The following ZNF423 variants were observed in gnomAD, a reference collection of about 807,000 sequenced individuals.
ZNF423 encodes Ebf-associated zinc finger protein.
In ZNF423, 12 loss-of-function variants were observed where a neutral mutation model predicts 95.8. That is an observed-to-expected ratio of 0.13 (90% CI 0.08 to 0.20). The LOEUF (loss-of-function observed/expected upper bound fraction) is 0.20, where lower values mean the gene tolerates loss of function less well. Among genes scored for constraint, ZNF423 ranks in the 10% least tolerant of loss-of-function variants. The pLI, the probability that ZNF423 is intolerant of heterozygous loss-of-function variation, is 1.00. For synonymous variants in ZNF423, 749 were observed against 711.9 expected (o/e 1.05, Z -0.83); for missense variants, 1,316 against 1,737.1 (o/e 0.76, Z 4.31).
At position 49,491,130 on chromosome 16, in the gene ZNF423, A is replaced by G. The variant is rs776633021; in HGVS notation, c.*145T>C. 6 of 893,932 alleles carry G rather than the reference A, an allele frequency of 6.7e-6. No individual in the cohort carries two copies. In the African/African-American group the frequency reaches 9.9e-5, roughly 15 times the overall value. The allele number at this position is 893,932 out of a possible 1,614,324, so 55.4% of individuals were successfully genotyped here. On this transcript the variant is annotated 3_prime_UTR_variant, in exon 8 of 8. Coordinates refer to ENST00000563137, the MANE Select transcript of ZNF423 (RefSeq NM_001379286.1). ...CATTAATATTCATTTCCAGCTGCTT[A>G]TAATAGCAGCGCCTCATGGCCAAAT...
At chr16:49,633,273 T>C (rs898663668) in intron 4 of ZNF423, among the ~76,000 whole-genome samples, 25 of 152,230 alleles carry the variant, frequency 1.6e-4, no homozygotes, top group Admixed American at 5.2e-4. Context: ...TGAGTGTGGA[T>C]TGCCATTGTA....
At chr16:49,809,001 G>A (rs753281706) in intron 1 of ZNF423, among the ~76,000 whole-genome samples, 4 of 152,172 alleles carry the variant, frequency 2.6e-5, no homozygotes, top group African/African-American at 2.4e-5. Context: ...GCACGTCCCC[G>A]AGCAGGGGGC....
intron 1 of ZNF423, among the ~76,000 whole-genome samples, chr16:49,839,347 C>G (rs1469097497): frequency 3.9e-5 from 6 of 152,116 alleles, no homozygotes; most frequent in Non-Finnish European, 5.9e-5. Flanking sequence ...TGGAGAGGGG[C>G]CGGCCTCTGA....
At chr16:49,857,346 G>T (rs1406304938), upstream of ZNF423, among the ~76,000 whole-genome samples, 3 of 150,618 alleles carry the variant, frequency 2.0e-5, no homozygotes, top group East Asian at 1.9e-4. The surrounding 1 kb of genome is among the most constrained non-coding windows in gnomAD (Gnocchi z 6.2). Context: ...CGCGGGCGCG[G>T]GCACCGCACC....
chr16:49,545,680 G>A (rs897901856), intron 5 of ZNF423, among the ~76,000 whole-genome samples: 23 of 152,204 alleles, frequency 1.5e-4, no homozygotes, highest in African/African-American at 4.3e-4. Context: ...CATGGGGAGT[G>A]GGCAGAATGT....
chr16:49,630,349 G>A (rs1420646212), intron 4 of ZNF423, among the ~76,000 whole-genome samples: 1 of 152,164 alleles, frequency 6.6e-6, no homozygotes, highest in Admixed American at 6.5e-5. Flanking sequence ...TGTCTCACAT[G>A]TGCCCCCACC....
At chr16:49,678,113 G>A (rs1315233339) in intron 3 of ZNF423, among the ~76,000 whole-genome samples, 1 of 152,074 alleles carries the variant, frequency 6.6e-6, no homozygotes, top group Non-Finnish European at 1.5e-5. Flanking sequence ...AGCTTGGGAG[G>A]TGAAGGTTGC....
chr16:49,672,255 AG>A (rs1401739788), intron 3 of ZNF423, among the ~76,000 whole-genome samples: 1 of 152,160 alleles, frequency 6.6e-6, no homozygotes, highest in Non-Finnish European at 1.5e-5. Flanking sequence ...AAAAAAATTC[AG>A]GTTTCTGGCT....
intron 3 of ZNF423, among the ~76,000 whole-genome samples, chr16:49,684,841 G>A (rs1477135784): frequency 1.3e-5 from 2 of 152,156 alleles, no homozygotes; most frequent in African/African-American, 4.8e-5. Context: ...ATAAATGAGG[G>A]GGCCCTGACA....
intron 2 of ZNF423, among the ~76,000 whole-genome samples, chr16:49,741,601 A>G (rs974803219): frequency 2.6e-5 from 4 of 152,204 alleles, no homozygotes; most frequent in African/African-American, 9.6e-5. Context: ...TAAGAAACAC[A>G]GTATGGGCTA....
At chr16:49,805,739 T>C (rs542801722) in intron 1 of ZNF423, among the ~76,000 whole-genome samples, 13 of 152,366 alleles carry the variant, frequency 8.5e-5, no homozygotes, top group African/African-American at 3.1e-4. Flanking sequence ...TAACCTTGGG[T>C]AATGGACTCT....
At chr16:49,573,055 A>T (rs1036858828) in intron 5 of ZNF423, among the ~76,000 whole-genome samples, 2 of 152,136 alleles carry the variant, frequency 1.3e-5, no homozygotes, top group Admixed American at 6.5e-5. Flanking sequence ...TGAATAAGCA[A>T]ATGGGCGAGT....
At chr16:49,509,227 T>C (rs8063572) in intron 7 of ZNF423, among the ~76,000 whole-genome samples, 1,692 of 152,272 alleles carry the variant, frequency 0.011, 45 homozygotes, top group African/African-American at 0.038. Context: ...TCCTTCCCTC[T>C]CACTGTCCCC....
intron 3 of ZNF423, among the ~76,000 whole-genome samples, chr16:49,689,636 G>C (rs1243028400): frequency 6.6e-6 from 1 of 152,128 alleles, no homozygotes; most frequent in Non-Finnish European, 1.5e-5. Context: ...CACCCAGCCA[G>C]AGGCCAAGAG....
chr16:49,595,766 TA>T (rs1200766962), intron 5 of ZNF423, among the ~76,000 whole-genome samples: 1 of 152,240 alleles, frequency 6.6e-6, no homozygotes, highest in Non-Finnish European at 1.5e-5. Context: ...ATTTTGTCAA[TA>T]TTTTTTTATT....
At position 49,848,113 on chromosome 16, in the gene ZNF423, G is replaced by GA. The variant is rs200165561; in HGVS notation, c.40+7621dup. The stretch of plus-strand genomic sequence containing the variant: ...AGCAAGATCCTGTCTGTAAAAAAAG[G>GA]AAAAAAAAATGGTTAAGATGGTAAA... On this transcript the variant is annotated intron_variant, in intron 1 of 7. Coordinates refer to ENST00000563137, the MANE Select transcript of ZNF423 (RefSeq NM_001379286.1). Among the ~76,000 whole-genome samples, 138 of 149,348 alleles carry GA rather than the reference G, an allele frequency of 9.2e-4. 1 individual carries two copies. In the East Asian group the frequency reaches 0.011, roughly 12 times the overall value.
At chr16:49,498,252 A>G (rs1967241348) in intron 7 of ZNF423, among the ~76,000 whole-genome samples, 1 of 152,190 alleles carries the variant, frequency 6.6e-6, no homozygotes, top group Admixed American at 6.5e-5. Flanking sequence ...AGATGAGAAA[A>G]CTGAGGCGCA....
chr16:49,573,148 G>A (rs981342446), intron 5 of ZNF423, among the ~76,000 whole-genome samples: 4 of 152,170 alleles, frequency 2.6e-5, no homozygotes, highest in African/African-American at 9.7e-5. Flanking sequence ...ATGGAAGGTA[G>A]AAGTGGGTAG....
intron 3 of ZNF423, among the ~76,000 whole-genome samples, chr16:49,696,619 G>A (rs2031981786): frequency 6.6e-6 from 1 of 152,148 alleles, no homozygotes. Context: ...AAAACCCTGG[G>A]CCACAGAGGC....
Sources: gnomAD v4.1 joint callset for allele counts (sites outside exome capture counted in the v4.1 genomes callset) on GRCh38, gnomAD v4.1.1 for gene constraint, Gnocchi (gnomAD v3.1) non-coding constraint, MANE v1.5 for transcripts, NCBI Gene and HGNC (gene_info 2026-07-23, HGNC 2026-07-21) for gene names.